Variants in GSE1 observed in about 807,000 individuals in gnomAD.
GSE1 encodes the protein genetic suppressor element 1.
GSE1 carries 32 observed loss-of-function variants against 112.6 expected under a neutral mutation model. The observed-to-expected ratio is 0.28, with a 90% CI of 0.21 to 0.38. The LOEUF (loss-of-function observed/expected upper bound fraction) is 0.38. GSE1 is among the 10% of genes least tolerant of loss of function. The probability of loss-of-function intolerance (pLI) is 1.00; values close to 1 mark genes in which losing one functional copy is unlikely to be tolerated. For synonymous variants in GSE1, 1,115 were observed against 735.6 expected (o/e 1.52, Z -8.35); for missense variants, 2,348 against 1,699.2 (o/e 1.38, Z -6.71).
At chr16:85,357,377 T>G in intron 1 of GSE1, 1 of 873,468 alleles carries the variant, frequency 1.1e-6, no homozygotes, top group Non-Finnish European at 1.5e-6. Context: ...CGGGGAGGAA[T>G]GGCACCTATG....
intron 12 of GSE1, 87 bp downstream of exon 12, chr16:85,665,215 C>T: frequency 1.4e-6 from 1 of 730,640 alleles, no homozygotes; most frequent in Admixed American, 2.2e-5. Context: ...AGGTCTTCAT[C>T]ATTGTGAATG....
intron 1 of GSE1, among the ~76,000 whole-genome samples, chr16:85,246,253 GTCTA>G (rs1475387752): frequency 8.3e-5 from 6 of 71,910 alleles, no homozygotes; most frequent in Admixed American, 7.5e-4. Flanking sequence ...ACCACACGCT[GTCTA>G]CACACACACA....
chr16:85,337,336 C>G (rs1384356308), intron 1 of GSE1, among the ~76,000 whole-genome samples: 1 of 141,038 alleles, frequency 7.1e-6, no homozygotes, highest in African/African-American at 2.6e-5. Flanking sequence ...GACGGAGTCT[C>G]GCTCTGTCGC....
At position 85,414,258 on chromosome 16, in the gene GSE1, C is replaced by T. The variant is rs183237502; in HGVS notation, c.2464+56615C>T. Among the ~76,000 whole-genome samples the T allele has an allele frequency of 1.8e-4, 27 of 152,308 alleles. No individual in the cohort carries two copies. The East Asian group carries it at 3.3e-3, about 18-fold the overall frequency. ...TACTCGGAAACATCAGATACTTTCA[C>T]GTGCTGAGAAAGCTGGTATTTCGGG... is the stretch of plus-strand genomic sequence containing the variant. On this transcript the variant is annotated intron_variant, in intron 2 of 2. Transcript: ENST00000637419.
chr16:85,441,714 A>G (rs1335156583), intron 2 of GSE1, among the ~76,000 whole-genome samples: 1 of 152,168 alleles, frequency 6.6e-6, no homozygotes, highest in African/African-American at 2.4e-5. Context: ...GGTGTGTAGG[A>G]GTTTTCCAGG....
chr16:85,413,199 C>T (rs560998712), intron 2 of GSE1, among the ~76,000 whole-genome samples: 1 of 152,306 alleles, frequency 6.6e-6, no homozygotes, highest in South Asian at 2.1e-4. Context: ...GGGCAGCGGC[C>T]GCTGTGAGTG....
intron 9 of GSE1, among the ~76,000 whole-genome samples, chr16:85,662,123 C>A (rs2052483453): frequency 6.6e-6 from 1 of 152,208 alleles, no homozygotes; most frequent in African/African-American, 2.4e-5. Context: ...GGCCTGGGCT[C>A]AGCGGGGGCT....
intron 1 of GSE1, among the ~76,000 whole-genome samples, chr16:85,218,746 T>C (rs1018259121): frequency 6.6e-6 from 1 of 152,246 alleles, no homozygotes; most frequent in Non-Finnish European, 1.5e-5. Flanking sequence ...GTCCAGCTGG[T>C]CTTGCGTCTA....
intron 1 of GSE1, among the ~76,000 whole-genome samples, chr16:85,253,902 C>T (rs1906787431): frequency 6.6e-6 from 1 of 152,062 alleles, no homozygotes; most frequent in Non-Finnish European, 1.5e-5. Context: ...ACTGTGTGTG[C>T]AAAGGGCAGG....
At chr16:85,402,500 G>A (rs918481752) in intron 2 of GSE1, among the ~76,000 whole-genome samples, 1 of 152,254 alleles carries the variant, frequency 6.6e-6, no homozygotes, top group Non-Finnish European at 1.5e-5. Context: ...GGAGATGGGA[G>A]AGTGGACCCA....
intron 2 of GSE1, among the ~76,000 whole-genome samples, chr16:85,461,274 G>A (rs1301179309): frequency 6.6e-6 from 1 of 152,200 alleles, no homozygotes; most frequent in Non-Finnish European, 1.5e-5. Context: ...TACCCACCAG[G>A]TGCCAGCAGC....
At chr16:85,332,568 C>T (rs2046398010) in intron 1 of GSE1, among the ~76,000 whole-genome samples, 1 of 152,144 alleles carries the variant, frequency 6.6e-6, no homozygotes, top group African/African-American at 2.4e-5. Context: ...GTGTGCCTCC[C>T]CCGACCCTCA....
chr16:85,541,001 TGG>T (rs1279497046), intron 2 of GSE1, among the ~76,000 whole-genome samples: 8 of 150,770 alleles, frequency 5.3e-5, no homozygotes, highest in Admixed American at 4.6e-4. Flanking sequence ...CCAAGCAGGG[TGG>T]TGTGGCGGGG....
intron 2 of GSE1, among the ~76,000 whole-genome samples, chr16:85,648,050 G>A (rs1330031339): frequency 2.6e-5 from 4 of 152,052 alleles, no homozygotes; most frequent in Non-Finnish European, 5.9e-5. Flanking sequence ...TACACGTGGA[G>A]CTGCCTCTCG....
intron 1 of GSE1, among the ~76,000 whole-genome samples, chr16:85,604,095 G>C (rs1252509020): frequency 6.6e-6 from 1 of 152,152 alleles, no homozygotes; most frequent in Non-Finnish European, 1.5e-5. Flanking sequence ...AGCATATCAC[G>C]TGGCAAAGGC....
At chr16:85,443,012 G>C (rs754663735) in intron 2 of GSE1, among the ~76,000 whole-genome samples, 2 of 152,220 alleles carry the variant, frequency 1.3e-5, no homozygotes, top group Non-Finnish European at 2.9e-5. Context: ...TGTGAGCTCT[G>C]TGTCTTCTTT....
intron 2 of GSE1, among the ~76,000 whole-genome samples, chr16:85,387,120 A>G (rs2047704861): frequency 6.6e-6 from 1 of 152,166 alleles, no homozygotes; most frequent in Non-Finnish European, 1.5e-5. Flanking sequence ...TGGTTTCTAG[A>G]TGGCCCTTCC....
At chr16:85,383,381 C>G (rs2047604291) in intron 2 of GSE1, among the ~76,000 whole-genome samples, 1 of 151,932 alleles carries the variant, frequency 6.6e-6, no homozygotes, top group Admixed American at 6.6e-5. Context: ...ACACACAGCA[C>G]ACATACACTC....
At chr16:85,484,079 G>C (rs1037271398) in intron 2 of GSE1, among the ~76,000 whole-genome samples, 1 of 152,214 alleles carries the variant, frequency 6.6e-6, no homozygotes, top group African/African-American at 2.4e-5. Flanking sequence ...GTAGGATGAC[G>C]TCCCACACTT....
Sources: gnomAD v4.1 joint callset for allele counts (sites outside exome capture counted in the v4.1 genomes callset) on GRCh38, gnomAD v4.1.1 for gene constraint, MANE v1.5 for transcripts, NCBI Gene and HGNC (gene_info 2026-07-23, HGNC 2026-07-21) for gene names.